The following DMD variants were observed in gnomAD, a reference collection of about 807,000 sequenced individuals.
The protein encoded by DMD is mutant dystrophin.
In DMD, 63 loss-of-function variants were observed where a neutral mutation model predicts 330.1. The ratio of observed to expected loss-of-function variants is 0.19; its 90% CI spans 0.16 to 0.24. The LOEUF is 0.24. Ranked by LOEUF, DMD falls within the 10% of genes least tolerant of loss-of-function variation. The pLI is 1.00. For synonymous variants in DMD, 1,223 were observed against 959.8 expected (o/e 1.27, Z -5.07); for missense variants, 3,344 against 2,684.1 (o/e 1.25, Z -5.43).
chrX:33,133,768 T>C (rs1477726757), intron 1 of DMD, among the ~76,000 whole-genome samples: 1 of 112,163 alleles, frequency 8.9e-6, no homozygotes, highest in Non-Finnish European at 1.9e-5. Context: ...TTTTCCAGTT[T>C]CTACAATCTC....
At chrX:32,565,359 T>G (rs918985660) in intron 16 of DMD, among the ~76,000 whole-genome samples, 3 of 111,910 alleles carry the variant, frequency 2.7e-5, no homozygotes, top group African/African-American at 9.7e-5. Flanking sequence ...AAAACGGAGT[T>G]GGCTAATGTT....
intron 16 of DMD, among the ~76,000 whole-genome samples, chrX:32,549,809 T>A (rs981885811): frequency 8.9e-6 from 1 of 111,908 alleles, no homozygotes; most frequent in Non-Finnish European, 1.9e-5. Flanking sequence ...GAAATGAAGT[T>A]CTTTCTTTCC....
chrX:32,085,953 T>C (rs2096436178), intron 44 of DMD, among the ~76,000 whole-genome samples: 1 of 111,834 alleles, frequency 8.9e-6, no homozygotes, highest in East Asian at 2.8e-4. Context: ...TTGTAATAGC[T>C]AAGTTATCAA....
At chrX:32,436,668 C>A (rs1449796232) in intron 29 of DMD, among the ~76,000 whole-genome samples, 2 of 111,536 alleles carry the variant, frequency 1.8e-5, no homozygotes, top group Non-Finnish European at 3.8e-5. Flanking sequence ...AAATGTCAAA[C>A]ACTGAAGTTG....
At chrX:31,182,985 G>T in intron 67 of DMD, 81 bp from the exon 68 acceptor site, 1 of 828,405 alleles carries the variant, frequency 1.2e-6, no homozygotes, top group Non-Finnish European at 1.7e-6. Context: ...GTGTATATCA[G>T]TTCGATTAAT....
At chrX:32,252,406 T>C (rs2097267134) in intron 43 of DMD, among the ~76,000 whole-genome samples, 1 of 107,722 alleles carries the variant, frequency 9.3e-6, no homozygotes, top group Non-Finnish European at 1.9e-5. Flanking sequence ...ATATGATTAT[T>C]GCCTTAAAAT....
intron 60 of DMD, among the ~76,000 whole-genome samples, chrX:31,388,156 A>C (rs978504365): frequency 3.7e-5 from 4 of 108,313 alleles, no homozygotes; most frequent in South Asian, 4.1e-4. Context: ...CCCACCACCA[A>C]GCCCGGCTAA....
intron 60 of DMD, among the ~76,000 whole-genome samples, chrX:31,410,370 T>G (rs1243358503): frequency 8.9e-6 from 1 of 111,977 alleles, no homozygotes; most frequent in Non-Finnish European, 1.9e-5. Context: ...GAGAAATAGT[T>G]GCACAGTATT....
intron 59 of DMD, among the ~76,000 whole-genome samples, chrX:31,459,094 T>G (rs2066370988): frequency 9.0e-6 from 1 of 111,209 alleles, no homozygotes; most frequent in South Asian, 3.8e-4. Flanking sequence ...TTCTCTCCCT[T>G]GCTTTAGCCC....
intron 9 of DMD, among the ~76,000 whole-genome samples, chrX:32,667,177 T>A (rs1194903853): frequency 9.0e-6 from 1 of 111,524 alleles, no homozygotes; most frequent in Non-Finnish European, 1.9e-5. Context: ...ATGACATCAA[T>A]GAGCTCTAGA....
chrX:32,941,733 C>T (rs1039875527), intron 2 of DMD, among the ~76,000 whole-genome samples: 9 of 110,991 alleles, frequency 8.1e-5, no homozygotes, highest in Non-Finnish European at 1.3e-4. Flanking sequence ...CAGGATCATT[C>T]GTACCCCAAA....
Position 32,406,553 on chromosome X carries a change from G to T in DMD, c.4233+5199C>A, listed in dbSNP as rs192650849. ...TGGTTCTGTTTATATGCTGGATTACGTTTATTGATTTGCATATATTGAACC... is the reference window on the plus strand; with the variant it reads ...TGGTTCTGTTTATATGCTGGATTACTTTTATTGATTTGCATATATTGAACC... On this transcript the variant is annotated intron_variant, in intron 30 of 78. Coordinates refer to ENST00000357033, the MANE Select transcript of DMD (RefSeq NM_004006.3). Among the ~76,000 whole-genome samples the T allele has an allele frequency of 5.4e-5, 6 of 110,969 alleles. No homozygotes were observed. The East Asian group carries it at 1.4e-3, about 26-fold the overall frequency.
intron 43 of DMD, 55 bp from the exon 44 acceptor site, chrX:32,217,118 T>TATAGAG (rs940847238): frequency 1.8e-6 from 2 of 1,109,359 alleles, no homozygotes; most frequent in Non-Finnish European, 2.5e-6. Flanking sequence ...TAAAACAGAT[T>TATAGAG]ATAGAGATAT....
chrX:32,914,363 G>C (rs1282586905), intron 2 of DMD, among the ~76,000 whole-genome samples: 1 of 112,203 alleles, frequency 8.9e-6, no homozygotes, highest in East Asian at 2.8e-4. Flanking sequence ...CAGAGCTTGA[G>C]AGCAAGAGTA....
chrX:32,545,195 T>A lies in DMD; in HGVS notation c.2132A>T (p.Lys711Met). 1 of 1,211,209 alleles carries A rather than the reference T, an allele frequency of 8.3e-7. No homozygotes were observed. The highest frequency in any genetic ancestry group is 1.1e-6 in the Non-Finnish European group (1 of 895,025). The change falls in exon 17 of 79, where the codon AAG (lysine) becomes ATG (methionine). Residue 711 changes from lysine to methionine, a missense_variant. Coordinates refer to ENST00000357033, the MANE Select transcript of DMD (RefSeq NM_004006.3). ...TTCAGAATCCACAGTAATCTGCCTC[T>A]TCTTTTGGGGAGGTGGTGGTGGAAG... Reference protein sequence around the residue: ...EELPPPPPQKKRQITVDSEIR... With the variant: ...EELPPPPPQKMRQITVDSEIR...
intron 7 of DMD, among the ~76,000 whole-genome samples, chrX:32,722,305 A>T (rs1056590000): frequency 2.7e-5 from 3 of 111,358 alleles, no homozygotes; most frequent in Non-Finnish European, 3.8e-5. Context: ...ACAACAAAAA[A>T]TATTAATACA....
chrX:31,496,801 T>C lies in DMD; in HGVS notation c.8534A>G (p.Asn2845Ser), dbSNP rs759943330. 5 of 1,212,214 alleles carry C rather than the reference T, an allele frequency of 4.1e-6. No homozygotes were observed. In the Admixed American group the frequency reaches 1.1e-4, roughly 26 times the overall value. Residue 2845 changes from asparagine (N) to serine (S), a missense_variant, in exon 57 of 79, where the codon AAC becomes AGC. Physicochemically the swap from Asn to Ser is conservative, Grantham distance 46. Coordinates refer to ENST00000357033, the MANE Select transcript of DMD (RefSeq NM_004006.3). ...AAAATGTCCTACCCTATGTACATCG[T>C]TCTGCTTCTGAACTGCTGGAAAGTC... ...GGDFPAVQKQNDVHRAFKREL... is the reference protein window; with the variant it reads ...GGDFPAVQKQSDVHRAFKREL...
At chrX:33,081,316 C>T (rs953062675) in intron 1 of DMD, among the ~76,000 whole-genome samples, 1 of 111,889 alleles carries the variant, frequency 8.9e-6, no homozygotes, top group African/African-American at 3.3e-5. Flanking sequence ...CTCTGTCACC[C>T]AGGCTGGAGT....
At chrX:32,826,876 T>C (rs1326782597) in intron 4 of DMD, among the ~76,000 whole-genome samples, 1 of 111,288 alleles carries the variant, frequency 9.0e-6, no homozygotes, top group Non-Finnish European at 1.9e-5. Flanking sequence ...ACATATAAGT[T>C]AATGTATATG....
Sources: allele counts gnomAD v4.1 joint callset (sites outside exome capture counted in the v4.1 genomes callset), GRCh38; gene constraint gnomAD v4.1.1; transcripts MANE v1.5; gene names NCBI Gene and HGNC (gene_info 2026-07-23, HGNC 2026-07-21).